The following SCLT1 variants were observed in gnomAD, a reference collection of about 807,000 sequenced individuals.
The protein encoded by SCLT1 is sodium channel-associated protein 1.
A neutral mutation model predicts 112.8 loss-of-function variants in SCLT1; 78 were observed. That is an observed-to-expected ratio of 0.69 (90% CI 0.58 to 0.83). The LOEUF (loss-of-function observed/expected upper bound fraction) is 0.83, where lower values mean the gene tolerates loss of function less well. Among genes scored for constraint, SCLT1 ranks in the 40% least tolerant of loss-of-function variants. SCLT1 has a pLI of 0.00. For synonymous variants in SCLT1, 257 were observed against 254.7 expected, an observed-to-expected ratio of 1.01 and a Z score of -0.09; for missense variants, 747 against 770.4, an observed-to-expected ratio of 0.97 and a Z score of 0.36.
chr4:129,062,476 C>T (rs895471011), intron 2 of SCLT1, among the ~76,000 whole-genome samples: 9 of 152,038 alleles, frequency 5.9e-5, no homozygotes, highest in African/African-American at 2.2e-4. Flanking sequence ...TATAAACTTA[C>T]TTTTATCAAT....
At chr4:128,960,818 G>A (rs1739637346) in intron 11 of SCLT1, among the ~76,000 whole-genome samples, 2 of 149,314 alleles carry the variant, frequency 1.3e-5, no homozygotes, top group South Asian at 2.1e-4. Context: ...TACTCGGGAG[G>A]CTGAGGCAGG....
intron 4 of SCLT1, among the ~76,000 whole-genome samples, chr4:129,042,844 G>C (rs889209772): frequency 6.6e-6 from 1 of 152,010 alleles, no homozygotes; most frequent in Non-Finnish European, 1.5e-5. Context: ...GGAGGCCGAG[G>C]CAGGCGGATC....
intron 18 of SCLT1, among the ~76,000 whole-genome samples, chr4:128,931,315 G>C (rs11934757): frequency 0.73 from 110,256 of 151,980 alleles, 40,294 homozygotes; most frequent in African/African-American, 0.81. Flanking sequence ...ATAGTAATTC[G>C]ACAGTATGAC....
At chr4:129,066,653 G>A (rs917704145) in intron 2 of SCLT1, among the ~76,000 whole-genome samples, 1 of 151,948 alleles carries the variant, frequency 6.6e-6, no homozygotes, top group African/African-American at 2.4e-5. Context: ...TCAAGAGAAT[G>A]GATACATTTT....
In SCLT1 at chr4:129,044,055, T is replaced by A. The variant is rs772301009; in HGVS notation, c.103-4A>T. Reference sequence around the variant, plus strand: ...CTTCTCCTTGGCAGACAGCTTTCTATAAAAGAATGTACATCTTAAAATGTG... The same window carrying A: ...CTTCTCCTTGGCAGACAGCTTTCTAAAAAAGAATGTACATCTTAAAATGTG... On this transcript the variant is annotated splice_region_variant and splice_polypyrimidine_tract_variant and intron_variant, in intron 2 of 20. Transcript: ENST00000281142. 55 of 1,522,652 alleles carry A rather than the reference T, an allele frequency of 3.6e-5. No homozygotes were observed. The Admixed American group carries it at 9.8e-4, about 27-fold the overall frequency. 94.3% of individuals were successfully genotyped at this position (1,522,652 alleles called of 1,614,324 possible). A position where few individuals can be genotyped will look rare whatever the true frequency, so the allele number is the denominator to read the frequency against.
intron 2 of SCLT1, among the ~76,000 whole-genome samples, chr4:129,075,528 C>T (rs1751387746): frequency 6.6e-6 from 1 of 151,906 alleles, no homozygotes; most frequent in South Asian, 2.1e-4. Flanking sequence ...ATTACAATGG[C>T]CAATACAAAA....
chr4:128,883,833 T>C (rs1732709832), downstream of SCLT1, among the ~76,000 whole-genome samples: 1 of 152,230 alleles, frequency 6.6e-6, no homozygotes, highest in African/African-American at 2.4e-5. Flanking sequence ...TTCAATGCCA[T>C]GCAGTCTTAG....
At chr4:129,034,349 A>C (rs1417496111) in intron 5 of SCLT1, among the ~76,000 whole-genome samples, 2 of 151,990 alleles carry the variant, frequency 1.3e-5, no homozygotes, top group Non-Finnish European at 2.9e-5. Flanking sequence ...ATGAAAGCAC[A>C]TCAATAAAAA....
At chr4:129,064,981 T>A (rs1212965620) in intron 2 of SCLT1, among the ~76,000 whole-genome samples, 1 of 152,142 alleles carries the variant, frequency 6.6e-6, no homozygotes, top group Non-Finnish European at 1.5e-5. Flanking sequence ...TCTACATAAG[T>A]CATTTAGGGG....
intron 5 of SCLT1, among the ~76,000 whole-genome samples, chr4:129,021,215 G>A (rs996956140): frequency 2.0e-5 from 3 of 152,126 alleles, no homozygotes; most frequent in South Asian, 2.1e-4. Flanking sequence ...CTTTTCCCAC[G>A]GTTTCTGCAA....
intron 6 of SCLT1, among the ~76,000 whole-genome samples, chr4:129,001,140 T>A (rs1367083938): frequency 6.6e-6 from 1 of 151,994 alleles, no homozygotes; most frequent in Non-Finnish European, 1.5e-5. Flanking sequence ...TAAAAATGCC[T>A]CATACCTCAA....
chr4:128,996,631 T>C (rs1345983739), intron 8 of SCLT1, among the ~76,000 whole-genome samples: 2 of 152,130 alleles, frequency 1.3e-5, no homozygotes, highest in African/African-American at 4.8e-5. Flanking sequence ...ACTTAAATTT[T>C]AAAATTTCTT....
intron 12 of SCLT1, among the ~76,000 whole-genome samples, chr4:128,959,228 T>C (rs1439534480): frequency 3.9e-5 from 6 of 151,938 alleles, no homozygotes; most frequent in Non-Finnish European, 8.8e-5. Context: ...ATTGAGTATA[T>C]GATGAAGGGG....
intron 2 of SCLT1, among the ~76,000 whole-genome samples, chr4:129,065,516 A>C (rs1177762318): frequency 6.6e-6 from 1 of 152,090 alleles, no homozygotes; most frequent in Non-Finnish European, 1.5e-5. Flanking sequence ...TGTTCCAACT[A>C]TTCAAGCCTG....
At chr4:128,994,713 G>T (rs746251410) in intron 8 of SCLT1, among the ~76,000 whole-genome samples, 1 of 152,044 alleles carries the variant, frequency 6.6e-6, no homozygotes, top group Non-Finnish European at 1.5e-5. Context: ...CCTCTGACAC[G>T]TGTGAGGTGA....
chr4:128,873,702 C>T (rs754923715), intron 5 of SCLT1: 2 of 152,244 alleles, frequency 1.3e-5, no homozygotes, highest in South Asian at 2.1e-4. Context: ...GGAACAAGCC[C>T]GACTTCCCCT....
At chr4:128,875,681 A>G (rs1171927952) in intron 4 of SCLT1, among the ~76,000 whole-genome samples, 1 of 152,206 alleles carries the variant, frequency 6.6e-6, no homozygotes, top group Non-Finnish European at 1.5e-5. Flanking sequence ...TGAGCACCTT[A>G]CAGAGAGCAT....
At chr4:129,049,639 A>G (rs75117814) in intron 2 of SCLT1, among the ~76,000 whole-genome samples, 6 of 151,560 alleles carry the variant, frequency 4.0e-5, no homozygotes, top group Non-Finnish European at 8.8e-5. Context: ...AAAAAAAAAA[A>G]AGAGACGGGG....
intron 18 of SCLT1, among the ~76,000 whole-genome samples, chr4:128,927,208 A>G (rs535599316): frequency 5.9e-5 from 9 of 152,146 alleles, no homozygotes; most frequent in Non-Finnish European, 8.8e-5. Flanking sequence ...AAATGACTGC[A>G]TATGTTTAAG....
Sources: gnomAD v4.1 joint callset for allele counts (sites outside exome capture counted in the v4.1 genomes callset) on GRCh38, gnomAD v4.1.1 for gene constraint, MANE v1.5 for transcripts, NCBI Gene and HGNC (gene_info 2026-07-23, HGNC 2026-07-21) for gene names.